The following KLRG1 variants were observed in gnomAD, a reference collection of about 807,000 sequenced individuals.
KLRG1 encodes killer cell lectin-like receptor subfamily G member 1.
A neutral mutation model predicts 21.8 loss-of-function variants in KLRG1; 16 were observed. That is an observed-to-expected ratio of 0.73 (90% CI 0.50 to 1.11). The LOEUF is 1.11. Among genes scored for constraint, KLRG1 ranks in the 50% most tolerant of loss-of-function variants. The probability of loss-of-function intolerance (pLI) is 0.00; values close to 1 mark genes in which losing one functional copy is unlikely to be tolerated. For missense variants in KLRG1, 173 were observed against 218.3 expected (o/e 0.79, Z 1.31); for synonymous variants, 69 against 75.9 (o/e 0.91, Z 0.47).
the KLRG1 span, chr12:9,164,282 G>A: frequency 3.1e-6 from 5 of 1,609,396 alleles, no homozygotes; most frequent in Admixed American, 8.4e-5. Context: ...GTGAGGCAGA[G>A]ACAGAAATGA....
At chr12:9,079,572 C>T in the KLRG1 span, 2 of 1,459,648 alleles carry the variant, frequency 1.4e-6, no homozygotes, top group Non-Finnish European at 1.9e-6. Flanking sequence ...TCATAAGTAA[C>T]TGAAACCTAC....
At chr12:9,202,439 G>T in the KLRG1 span, 5 of 1,612,318 alleles carry the variant, frequency 3.1e-6, no homozygotes, top group Non-Finnish European at 4.2e-6. Flanking sequence ...TAAGACAGGA[G>T]GCTACGGGGC....
chr12:9,116,172 C>T, the KLRG1 span: 4 of 350,568 alleles, frequency 1.1e-5, no homozygotes, highest in African/African-American at 2.1e-5. Context: ...TCTTCTCTCC[C>T]TCACTCCCCC....
chr12:9,098,727 A>G, the KLRG1 span: 1 of 1,612,932 alleles, frequency 6.2e-7, no homozygotes, highest in Non-Finnish European at 8.5e-7. Context: ...AGGCTGGGAG[A>G]CTTTGTGATG....
At chr12:9,207,857 C>G in the KLRG1 span, among the ~76,000 whole-genome samples, 2 of 152,156 alleles carry the variant, frequency 1.3e-5, no homozygotes, top group East Asian at 3.8e-4. Flanking sequence ...TTGGTGAAGA[C>G]TTGATACATG....
At chr12:9,040,477 T>C in the KLRG1 span, among the ~76,000 whole-genome samples, 1 of 152,226 alleles carries the variant, frequency 6.6e-6, no homozygotes, top group African/African-American at 2.4e-5. Context: ...AACCCAAATA[T>C]TTATTGTCCT....
chr12:8,959,401 G>A (rs1186765455), intron 1 of KLRG1, among the ~76,000 whole-genome samples: 1 of 152,148 alleles, frequency 6.6e-6, no homozygotes, highest in Non-Finnish European at 1.5e-5. Context: ...CGCTTCCCAG[G>A]AAATGACCTG....
At chr12:9,177,817 T>C in the KLRG1 span, among the ~76,000 whole-genome samples, 1 of 152,222 alleles carries the variant, frequency 6.6e-6, no homozygotes, top group Non-Finnish European at 1.5e-5. Context: ...TTTATGTGAC[T>C]AAAAGGAATA....
At chr12:9,080,062 A>G in the KLRG1 span, 2 of 1,402,270 alleles carry the variant, frequency 1.4e-6, no homozygotes, top group Non-Finnish European at 1.9e-6. Flanking sequence ...GAAGCTGTTA[A>G]TGCCCGGATC....
the KLRG1 span, among the ~76,000 whole-genome samples, chr12:9,043,202 A>C: frequency 3.5e-4 from 52 of 150,478 alleles, no homozygotes; most frequent in Non-Finnish European, 6.3e-4. Context: ...TCAGCCTCCC[A>C]AGTAACTGGG....
chr12:9,207,755 G>A, the KLRG1 span, among the ~76,000 whole-genome samples: 1 of 152,190 alleles, frequency 6.6e-6, no homozygotes, highest in Non-Finnish European at 1.5e-5. Context: ...GGGAGAGGTG[G>A]AAAAGAAGTC....
At chr12:9,177,983 C>G in the KLRG1 span, among the ~76,000 whole-genome samples, 1 of 152,208 alleles carries the variant, frequency 6.6e-6, no homozygotes, top group South Asian at 2.1e-4. Flanking sequence ...TTTGGGTTAA[C>G]TTCTTGTTGT....
the KLRG1 span, among the ~76,000 whole-genome samples, chr12:9,052,441 A>G: frequency 1.9e-4 from 29 of 152,344 alleles, no homozygotes; most frequent in African/African-American, 6.0e-4. Flanking sequence ...GAAGCGGACA[A>G]TCACGCCATG....
the KLRG1 span, among the ~76,000 whole-genome samples, chr12:9,121,822 A>G: frequency 6.6e-6 from 1 of 152,200 alleles, no homozygotes; most frequent in African/African-American, 2.4e-5. This position sits in a 1 kb window ranked among gnomAD's most constrained non-coding sequence, Gnocchi z 4.4. Flanking sequence ...TGCTATGTAT[A>G]TACATTTCAA....
At chr12:9,124,957 C>T in the KLRG1 span, among the ~76,000 whole-genome samples, 3 of 152,240 alleles carry the variant, frequency 2.0e-5, no homozygotes, top group Admixed American at 6.5e-5. Context: ...ATTTCCTCCA[C>T]CCCATAAAAG....
chr12:9,202,836 T>C, the KLRG1 span: 4 of 743,360 alleles, frequency 5.4e-6, no homozygotes, highest in East Asian at 2.7e-5. Flanking sequence ...ACGATATTAA[T>C]GTGAGATGGA....
the KLRG1 span, among the ~76,000 whole-genome samples, chr12:9,043,969 C>T: frequency 1.3e-5 from 2 of 152,300 alleles, no homozygotes; most frequent in South Asian, 2.1e-4. Context: ...CCACGTGACT[C>T]CAATCCCAGC....
chr12:9,163,561 A>G, the KLRG1 span: 1 of 1,271,646 alleles, frequency 7.9e-7, no homozygotes, highest in East Asian at 2.4e-5. Context: ...CATTAGTCTT[A>G]CAGGATGTAT....
the KLRG1 span, among the ~76,000 whole-genome samples, chr12:9,143,832 T>C: frequency 2.0e-5 from 3 of 152,134 alleles, no homozygotes; most frequent in Non-Finnish European, 2.9e-5. Context: ...GGAGAGGACA[T>C]AGGAATTTTG....
Sources: gnomAD v4.1 joint callset for allele counts (sites outside exome capture counted in the v4.1 genomes callset) on GRCh38, gnomAD v4.1.1 for gene constraint, Gnocchi (gnomAD v3.1) non-coding constraint, MANE v1.5 for transcripts, NCBI Gene and HGNC (gene_info 2026-07-23, HGNC 2026-07-21) for gene names.